Variants in KIF7 observed in about 807,000 individuals in gnomAD.
KIF7 encodes the protein kinesin family member 7.
KIF7 carries 104 observed loss-of-function variants against 135.7 expected under a neutral mutation model. The observed-to-expected ratio is 0.77, with a 90% CI of 0.65 to 0.90. The LOEUF (loss-of-function observed/expected upper bound fraction) is 0.90. KIF7 is among the 40% of genes least tolerant of loss of function. The pLI is 0.00. For missense variants in KIF7, 2,005 were observed against 1,839.1 expected, an observed-to-expected ratio of 1.09 and a Z score of -1.65; for synonymous variants, 883 against 809.4, an observed-to-expected ratio of 1.09 and a Z score of -1.54.
At chr15:89,642,741 G>T (rs1354923537) in intron 10 of KIF7, among the ~76,000 whole-genome samples, 1 of 152,076 alleles carries the variant, frequency 6.6e-6, no homozygotes, top group Non-Finnish European at 1.5e-5. Context: ...GGCTAATTTT[G>T]TATTTTTAGT....
rs556031779 is a variant in KIF7, at chr15:89,649,953, CCGCAGGGCCTCCTG to C, written c.329-26_329-13del. ...CTCAAGGAGGGAGGCTGGGGAGACA[CCGCAGGGCCTCCTG>C]CCACTTCAGCTGGACACGGCCCATG... On this transcript the variant is annotated splice_polypyrimidine_tract_variant and intron_variant, in intron 2 of 18. Transcript: ENST00000394412. 142 of 1,549,542 alleles carry C rather than the reference CCGCAGGGCCTCCTG, an allele frequency of 9.2e-5. 2 individuals carry two copies. The South Asian group carries it at 1.4e-3, about 16-fold the overall frequency.
chr15:89,625,378 A>T, downstream of KIF7: 1 of 1,613,990 alleles, frequency 6.2e-7, no homozygotes, highest in Non-Finnish European at 8.5e-7. Context: ...CAGGAGGAAG[A>T]GGGCGGTGGG....
intron 7 of KIF7, 109 bp downstream of exon 7, chr15:89,646,721 T>C (rs1964019464): frequency 1.0e-6 from 1 of 1,001,376 alleles, no homozygotes; most frequent in East Asian, 2.4e-5. Context: ...TCACAGCCAG[T>C]CCCATGAAAG....
chr15:89,650,064 G>A, intron 2 of KIF7, 123 bp from the exon 3 acceptor site: 1 of 1,014,446 alleles, frequency 9.9e-7, no homozygotes, highest in South Asian at 1.4e-5. Context: ...AGAAGGCAGT[G>A]GCCGAGGCCA....
At chr15:89,656,881 T>C (rs1045244749), upstream of KIF7, among the ~76,000 whole-genome samples, 7 of 152,210 alleles carry the variant, frequency 4.6e-5, no homozygotes, top group African/African-American at 1.7e-4. Context: ...CAGAGCAGCC[T>C]GCCGCCGTGA....
intron 14 of KIF7, 118 bp from the exon 15 acceptor site, chr15:89,631,828 A>C: frequency 1.2e-6 from 1 of 857,542 alleles, no homozygotes; most frequent in Non-Finnish European, 1.8e-6. Flanking sequence ...CAACACTCCA[A>C]ATGTTCTGCT....
At chr15:89,623,019 A>G (rs1963451940), downstream of KIF7, among the ~76,000 whole-genome samples, 1 of 152,250 alleles carries the variant, frequency 6.6e-6, no homozygotes, top group African/African-American at 2.4e-5. Flanking sequence ...GGGATGAAGG[A>G]AGGCTGTAGG....
At chr15:89,635,069 T>G (rs1963776245) in intron 11 of KIF7, among the ~76,000 whole-genome samples, 1 of 151,982 alleles carries the variant, frequency 6.6e-6, no homozygotes, top group African/African-American at 2.4e-5. Context: ...AGGGGCAGAC[T>G]GACACCTCAC....
chr15:89,644,778 T>A (rs1029690073), intron 10 of KIF7, among the ~76,000 whole-genome samples: 1 of 152,200 alleles, frequency 6.6e-6, no homozygotes, highest in Non-Finnish European at 1.5e-5. Context: ...ACAACACCCC[T>A]ATTCAGTAGG....
downstream of KIF7, chr15:89,623,551 G>A (rs138837238): frequency 6.9e-7 from 1 of 1,445,072 alleles, no homozygotes; most frequent in East Asian, 2.3e-5. Context: ...TTTGGTCTTA[G>A]AGATTACTAA....
At chr15:89,625,559 C>T (rs554696710), downstream of KIF7, 23 of 1,613,096 alleles carry the variant, frequency 1.4e-5, no homozygotes, top group East Asian at 1.6e-4. Context: ...CCAGACCAGT[C>T]GCCTCCCAGG....
intron 16 of KIF7, 145 bp from the exon 17 acceptor site, chr15:89,629,718 C>T (rs1276683062): frequency 1.2e-5 from 12 of 994,476 alleles, no homozygotes; most frequent in Non-Finnish European, 1.6e-5. Flanking sequence ...AAGACTCAGC[C>T]TCAGACACCT....
intron 2 of KIF7, 47 bp downstream of exon 2, chr15:89,652,556 C>T: frequency 7.2e-7 from 1 of 1,396,906 alleles, no homozygotes; most frequent in Non-Finnish European, 9.7e-7. Flanking sequence ...CAGGAAGGAA[C>T]TAAGGCTCCT....
At chr15:89,656,898 A>G (rs1440324160), upstream of KIF7, among the ~76,000 whole-genome samples, 3 of 152,188 alleles carry the variant, frequency 2.0e-5, no homozygotes, top group South Asian at 2.1e-4. Flanking sequence ...GTGATGCCCA[A>G]AGAGAATCAT....
rs1427809417 is a variant in KIF7, at chr15:89,648,999, G to C, written c.898C>G (p.Pro300Ala). 1 of 1,546,464 alleles carries C rather than the reference G, an allele frequency of 6.5e-7. No homozygotes were observed. Among genetic ancestry groups the C allele is most frequent in the African/African-American group, 1.4e-5 (1 of 73,120 alleles). Reference protein sequence around the residue: ...GDPQRRGSHIPYRDSKITRIL... With the variant: ...GDPQRRGSHIAYRDSKITRIL... ...CGGGTGATCTTGGAGTCGCGGTAGG[G>C]TATGTGGCTGCCCCGGCGCTGAGGG... is the stretch of plus-strand genomic sequence containing the variant. The change falls in exon 4 of 19, where the codon CCC becomes GCC. Residue 300 changes from proline (P) to alanine (A), a missense_variant. Transcript: ENST00000394412.
At chr15:89,646,760 C>T (rs1244122855) in intron 7 of KIF7, 70 bp downstream of exon 7, 1 of 1,407,152 alleles carries the variant, frequency 7.1e-7, no homozygotes, top group Non-Finnish European at 1.0e-6. Flanking sequence ...GCCCCAGTGC[C>T]CCCTTCCCCT....
intron 11 of KIF7, among the ~76,000 whole-genome samples, chr15:89,639,764 C>A (rs1461852747): frequency 3.3e-5 from 5 of 150,362 alleles, no homozygotes; most frequent in Admixed American, 6.7e-5. Context: ...ACTAGAAATA[C>A]CATTTGACCC....
chr15:89,634,474 C>T lies in KIF7; in HGVS notation c.2395-591G>A, dbSNP rs948162906. On this transcript the variant is annotated intron_variant, in intron 11 of 18. Transcript: ENST00000394412. Reference sequence around the variant, plus strand: ...GGCGCAGGTCAGTGGGTGCGCGCACCGTGCGCGAGCCGAAGCAGGGCGAGG... The same window carrying T: ...GGCGCAGGTCAGTGGGTGCGCGCACTGTGCGCGAGCCGAAGCAGGGCGAGG... Among the ~76,000 whole-genome samples the T allele has an allele frequency of 3.2e-4, 49 of 152,160 alleles. 1 individual carries two copies. The highest frequency in any genetic ancestry group is 1.5e-4 in the Non-Finnish European group (10 of 68,022).
chr15:89,628,914 G>C (rs1445131576), intron 18 of KIF7, 62 bp downstream of exon 18: 2 of 1,612,278 alleles, frequency 1.2e-6, no homozygotes, highest in African/African-American at 1.3e-5. Flanking sequence ...AGGGAGAGTG[G>C]TCTCTAAGCT....
Sources: allele counts gnomAD v4.1 joint callset (sites outside exome capture counted in the v4.1 genomes callset), GRCh38; gene constraint gnomAD v4.1.1; transcripts MANE v1.5; gene names NCBI Gene and HGNC (gene_info 2026-07-23, HGNC 2026-07-21).